MTMR12: variants seen among roughly 807,000 people sequenced by gnomAD.
MTMR12 encodes myotubularin-related protein 12.
MTMR12 carries 33 observed loss-of-function variants against 96.7 expected under a neutral mutation model. The ratio of observed to expected loss-of-function variants is 0.34; its 90% confidence interval spans 0.26 to 0.46. The LOEUF (loss-of-function observed/expected upper bound fraction) is 0.46, where lower values mean the gene tolerates loss of function less well. MTMR12 is among the 20% of genes least tolerant of loss of function. The probability of loss-of-function intolerance (pLI) is 1.00; values close to 1 mark genes in which losing one functional copy is unlikely to be tolerated. For synonymous variants in MTMR12, 298 were observed against 327.2 expected, an observed-to-expected ratio of 0.91 and a Z score of 0.96; for missense variants, 721 against 896.1, an observed-to-expected ratio of 0.80 and a Z score of 2.49.
chr5:32,275,225 T>G (rs562302399), intron 2 of MTMR12, among the ~76,000 whole-genome samples: 36 of 152,236 alleles, frequency 2.4e-4, no homozygotes, highest in African/African-American at 8.7e-4. Flanking sequence ...GCTGAAACAC[T>G]AAGGAAATAC....
chr5:32,307,183 T>C (rs931539800), intron 1 of MTMR12, among the ~76,000 whole-genome samples: 2 of 152,142 alleles, frequency 1.3e-5, no homozygotes, highest in Non-Finnish European at 2.9e-5. Flanking sequence ...TTTATAATCG[T>C]TCTTTAAAAA....
At chr5:32,293,183 A>T (rs1750801544) in intron 1 of MTMR12, among the ~76,000 whole-genome samples, 1 of 152,146 alleles carries the variant, frequency 6.6e-6, no homozygotes, top group Non-Finnish European at 1.5e-5. Context: ...GATGGTTAAT[A>T]CTGAGTGTCA....
intron 6 of MTMR12, among the ~76,000 whole-genome samples, chr5:32,267,399 G>C (rs971826672): frequency 7.2e-6 from 1 of 139,108 alleles, no homozygotes; most frequent in Non-Finnish European, 1.5e-5. Flanking sequence ...AAAAAAAAGA[G>C]TAATGGACAG....
chr5:32,242,453 T>C (rs548107450), intron 11 of MTMR12, among the ~76,000 whole-genome samples: 2 of 152,282 alleles, frequency 1.3e-5, no homozygotes, highest in Non-Finnish European at 2.9e-5. Context: ...TAAAAATCCA[T>C]ACCTGGAGAA....
At chr5:32,294,426 C>T (rs1750850541) in intron 1 of MTMR12, among the ~76,000 whole-genome samples, 2 of 152,106 alleles carry the variant, frequency 1.3e-5, no homozygotes, top group Admixed American at 1.3e-4. Context: ...CCTCAGCCTC[C>T]TTAGTAGCTG....
Position 32,233,378 on chromosome 5 carries a change from T to A in MTMR12, c.1674+395A>T, listed in dbSNP as rs1024312355. On this transcript the variant is annotated intron_variant, in intron 15 of 15. Coordinates refer to ENST00000382142, the MANE Select transcript of MTMR12 (RefSeq NM_001040446.3). This position sits in a 1 kb window ranked among gnomAD's most constrained non-coding sequence, Gnocchi z 5.0. ...TACAGGCACAGCTCATTAAGAAAAG[T>A]CTTACTATTTATTATAATAAATGAA... Among the ~76,000 whole-genome samples the A allele has an allele frequency of 6.6e-6, 1 of 151,842 alleles. No individual in the cohort carries two copies. Among genetic ancestry groups the A allele is most frequent in the Admixed American group, 6.6e-5 (1 of 15,224 alleles).
intron 1 of MTMR12, among the ~76,000 whole-genome samples, chr5:32,303,769 G>T (rs1169907167): frequency 7.2e-6 from 1 of 139,310 alleles, no homozygotes; most frequent in Non-Finnish European, 1.5e-5. Flanking sequence ...ACAAAGCCAA[G>T]ATCTCAGCTT....
At position 32,229,620 on chromosome 5, in the gene MTMR12, A is replaced by C. The variant is rs998337709; in HGVS notation, c.*158T>G. On this transcript the variant is annotated 3_prime_UTR_variant, in exon 16 of 16. Coordinates refer to ENST00000382142, the MANE Select transcript of MTMR12 (RefSeq NM_001040446.3). ...TTGCATAGTCTTTTAGAATCATGAA[A>C]AATAATGAGAGCCACCTCTTTTCCC... The C allele has an allele frequency of 1.7e-5, 10 of 572,616 alleles. No individual in the cohort carries two copies. Among genetic ancestry groups the C allele is most frequent in the Non-Finnish European group, 2.2e-5 (8 of 360,254 alleles). The allele number at this position is 572,616 out of a possible 1,614,324, so 35.5% of individuals were successfully genotyped here. A position where few individuals can be genotyped will look rare whatever the true frequency, so the allele number is the denominator to read the frequency against.
At chr5:32,283,001 C>T (rs576879823) in intron 1 of MTMR12, among the ~76,000 whole-genome samples, 1 of 152,152 alleles carries the variant, frequency 6.6e-6, no homozygotes, top group Non-Finnish European at 1.5e-5. Context: ...AGGTGGATAC[C>T]AACAAGGTAC....
chr5:32,233,951 A>G lies in MTMR12; in HGVS notation c.1513-17T>C, dbSNP rs2111980605. On this transcript the variant is annotated splice_polypyrimidine_tract_variant and intron_variant, in intron 14 of 15. Transcript: ENST00000382142. This position sits in a 1 kb window ranked among gnomAD's most constrained non-coding sequence, Gnocchi z 5.0. ...TTCTCTACCCTGCCAAAACAAGCAC[A>G]GGTCATGCTGTTTTCCAGGGAGGGC... is the stretch of plus-strand genomic sequence containing the variant. 6.2e-7 allele frequency: 1 copy of G among 1,614,034 alleles called. No homozygotes were observed. The highest frequency in any genetic ancestry group is 2.2e-5 in the East Asian group (1 of 44,882).
intron 10 of MTMR12, among the ~76,000 whole-genome samples, chr5:32,247,395 CA>C: frequency 6.6e-6 from 1 of 152,202 alleles, no homozygotes; most frequent in Middle Eastern, 3.4e-3. Context: ...ATAGGCATGA[CA>C]AATCTCAGAG....
At chr5:32,266,200 G>GTT (rs1412785132) in intron 6 of MTMR12, among the ~76,000 whole-genome samples, 8 of 151,720 alleles carry the variant, frequency 5.3e-5, no homozygotes, top group African/African-American at 1.7e-4. Context: ...ATGACTTTAC[G>GTT]TTTTTGTTTT....
chr5:32,283,341 C>T (rs997861028), intron 1 of MTMR12, among the ~76,000 whole-genome samples: 3 of 149,212 alleles, frequency 2.0e-5, no homozygotes, highest in African/African-American at 7.3e-5. Flanking sequence ...AGGGCCAGCC[C>T]TTACTGAGGT....
chr5:32,281,239 CTCTA>C (rs1248670119), intron 1 of MTMR12, among the ~76,000 whole-genome samples: 4 of 136,868 alleles, frequency 2.9e-5, no homozygotes, highest in Non-Finnish European at 3.1e-5. Flanking sequence ...CAGAAGGAGA[CTCTA>C]TCATTAAAAA....
At chr5:32,259,811 G>A (rs1051082008) in intron 7 of MTMR12, among the ~76,000 whole-genome samples, 2 of 152,046 alleles carry the variant, frequency 1.3e-5, no homozygotes, top group African/African-American at 2.4e-5. Context: ...TGAGGCAGGC[G>A]GATCACTTGA....
rs750911267 is a variant in MTMR12 at position 32,233,152 on chromosome 5, C to T, written c.1674+621G>A. The T allele has an allele frequency of 2.9e-5, 8 of 274,400 alleles. No individual in the cohort carries two copies. The highest frequency in any genetic ancestry group is 1.8e-4 in the East Asian group (1 of 5,696). 17.0% of individuals were successfully genotyped at this position (274,400 alleles called of 1,614,324 possible). ...ACCCCTCCGGCCAAATCTGGCCTGGCGCCTGTTCTCGTAAACACTGGAACA... is the reference window on the plus strand; with the variant it reads ...ACCCCTCCGGCCAAATCTGGCCTGGTGCCTGTTCTCGTAAACACTGGAACA... On this transcript the variant is annotated intron_variant, in intron 15 of 15. Transcript: ENST00000382142. The surrounding 1 kb of genome is among the most constrained non-coding windows in gnomAD (Gnocchi z 5.0).
Position 32,312,159 on chromosome 5 carries a change from AG to A in MTMR12, c.81+598del, listed in dbSNP as rs1751621213. On this transcript the variant is annotated intron_variant, in intron 1 of 15. Transcript: ENST00000382142. This position sits in a 1 kb window ranked among gnomAD's most constrained non-coding sequence, Gnocchi z 5.0. ...GAAGTGGGTGGAAAGGATGATGGTG[AG>A]GGGATGAGGAGAAAGAAGCGACAGC... 6.6e-6 allele frequency among the ~76,000 whole-genome samples: 1 copy of A among 152,034 alleles called. No individual in the cohort carries two copies. The highest frequency in any genetic ancestry group is 2.4e-5 in the African/African-American group (1 of 41,502).
rs377754586 is a variant in MTMR12 at position 32,233,776 on chromosome 5, G to A, written c.1671C>T (p.Phe557=). The A allele has an allele frequency of 3.0e-5, 49 of 1,614,190 alleles. No individual in the cohort carries two copies. The African/African-American group carries it at 6.1e-4, about 20-fold the overall frequency. ...TTTAGACATGTGGACATCTTACTTT[G>A]AAGCGCATTCCTTTCCGTTGGCCTT... ...LDKGQRKGMR[F]KHQRQLSLPL... is the part of the protein sequence containing the mutation. Residue 557 remains phenylalanine, a synonymous_variant, in exon 15 of 16, where the codon TTC becomes TTT. Coordinates refer to ENST00000382142, the MANE Select transcript of MTMR12 (RefSeq NM_001040446.3). The surrounding 1 kb of genome is among the most constrained non-coding windows in gnomAD (Gnocchi z 5.0).
intron 6 of MTMR12, among the ~76,000 whole-genome samples, chr5:32,267,142 C>T (rs562953153): frequency 1.4e-4 from 21 of 151,372 alleles, no homozygotes; most frequent in African/African-American, 4.9e-4. Context: ...TTTGGGAGGC[C>T]GAGGCCGTGG....
Sources: allele counts gnomAD v4.1 joint callset (sites outside exome capture counted in the v4.1 genomes callset), GRCh38; gene constraint gnomAD v4.1.1; non-coding constraint Gnocchi (gnomAD v3.1); transcripts MANE v1.5; gene names NCBI Gene and HGNC (gene_info 2026-07-23, HGNC 2026-07-21).